SBF2: variants seen among roughly 807,000 people sequenced by gnomAD.
SBF2 encodes the protein myotubularin-related protein 13.
In SBF2, 112 loss-of-function variants were observed where a neutral mutation model predicts 225.2. That is an observed-to-expected ratio of 0.50 (90% confidence interval 0.43 to 0.58). The LOEUF is 0.58. Among genes scored for constraint, SBF2 ranks in the 20% least tolerant of loss-of-function variants. The pLI is 0.00. For missense variants in SBF2, 1,996 were observed against 2,206.2 expected, an observed-to-expected ratio of 0.90 and a Z score of 1.91; for synonymous variants, 763 against 773.3, an observed-to-expected ratio of 0.99 and a Z score of 0.22.
Position 10,028,531 on chromosome 11 carries a change from A to G in SBF2, c.540T>C (p.Asp180=), listed in dbSNP as rs779002789. ...SQKLFSLGAG[D]RQLIQTPLHD... is the part of the protein sequence containing the mutation. Reference sequence around the variant, plus strand: ...GTAAAGGAGTCTGGATCAACTGTCTATCTCCTGCACCCAAAGAAAACAGCT... The same window carrying G: ...GTAAAGGAGTCTGGATCAACTGTCTGTCTCCTGCACCCAAAGAAAACAGCT... Residue 180 remains aspartate (D), a synonymous_variant, in exon 6 of 40, where the codon GAT becomes GAC. Transcript: ENST00000256190. 1 of 1,613,358 alleles carries G rather than the reference A, an allele frequency of 6.2e-7. No homozygotes were observed.
chr11:9,974,151 C>T (rs1279278997), intron 13 of SBF2, among the ~76,000 whole-genome samples: 1 of 152,146 alleles, frequency 6.6e-6, no homozygotes, highest in African/African-American at 2.4e-5. Flanking sequence ...TCAAGGATCA[C>T]ATCCTTGTGA....
At chr11:10,184,900 G>A (rs970334646) in intron 2 of SBF2, among the ~76,000 whole-genome samples, 2 of 152,064 alleles carry the variant, frequency 1.3e-5, no homozygotes, top group African/African-American at 2.4e-5. Context: ...CTAATTTTTT[G>A]TATTTTTAGT....
intron 2 of SBF2, among the ~76,000 whole-genome samples, chr11:10,104,137 T>C (rs1317227290): frequency 1.3e-5 from 2 of 152,054 alleles, no homozygotes; most frequent in South Asian, 4.1e-4. Flanking sequence ...GTGTGAATTT[T>C]CCAATTTTAC....
At chr11:10,166,122 T>A (rs1955939988) in intron 2 of SBF2, among the ~76,000 whole-genome samples, 1 of 152,174 alleles carries the variant, frequency 6.6e-6, no homozygotes, top group African/African-American at 2.4e-5. Flanking sequence ...GACTAGCACA[T>A]AATAGGCACT....
At chr11:10,150,948 CAT>C (rs1169042368) in intron 2 of SBF2, among the ~76,000 whole-genome samples, 1 of 152,054 alleles carries the variant, frequency 6.6e-6, no homozygotes, top group African/African-American at 2.4e-5. Context: ...TTATTAATCA[CAT>C]ATGACTTAAA....
At chr11:9,902,112 T>C (rs1403393406) in intron 16 of SBF2, among the ~76,000 whole-genome samples, 2 of 152,212 alleles carry the variant, frequency 1.3e-5, no homozygotes, top group Non-Finnish European at 2.9e-5. Context: ...AGAATCTCCA[T>C]TAATGCAGCC....
chr11:9,992,693 T>C (rs1947491011), intron 11 of SBF2, 150 bp from the exon 12 acceptor site: 2 of 782,032 alleles, frequency 2.6e-6, no homozygotes, highest in African/African-American at 3.5e-5. Flanking sequence ...TCAAAGAGAG[T>C]TATTCTGAAA....
At chr11:10,007,254 C>T (rs542833090) in intron 6 of SBF2, among the ~76,000 whole-genome samples, 13 of 152,186 alleles carry the variant, frequency 8.5e-5, no homozygotes, top group African/African-American at 2.4e-4. Flanking sequence ...AGAGAAGACG[C>T]TTTCTTTTTT....
At chr11:10,036,253 G>A (rs1375884772) in intron 3 of SBF2, among the ~76,000 whole-genome samples, 1 of 152,066 alleles carries the variant, frequency 6.6e-6, no homozygotes, top group Non-Finnish European at 1.5e-5. Flanking sequence ...ACACACTGGG[G>A]CCTGTCAGTG....
At chr11:10,230,484 G>A (rs1256332689) in intron 1 of SBF2, among the ~76,000 whole-genome samples, 2 of 152,124 alleles carry the variant, frequency 1.3e-5, no homozygotes, top group African/African-American at 4.8e-5. Context: ...CTTCCCTCAG[G>A]AGCTCTTTTA....
intron 28 of SBF2, among the ~76,000 whole-genome samples, chr11:9,820,418 C>G (rs1854688652): frequency 1.3e-5 from 2 of 152,166 alleles, no homozygotes; most frequent in Admixed American, 1.3e-4. Context: ...TGGGACATGG[C>G]CAAGGCACAC....
intron 16 of SBF2, chr11:9,929,238 T>C (rs1458802481): frequency 5.3e-6 from 1 of 188,034 alleles, no homozygotes; most frequent in East Asian, 1.5e-4. Context: ...GCTCGATAAG[T>C]GGATGCCTCA....
intron 1 of SBF2, among the ~76,000 whole-genome samples, chr11:10,235,216 A>T (rs1959015503): frequency 6.6e-6 from 1 of 152,162 alleles, no homozygotes; most frequent in African/African-American, 2.4e-5. Flanking sequence ...TCCTTTTTTA[A>T]GTGAATTGAA....
chr11:10,281,317 C>T (rs1963391467), intron 1 of SBF2, among the ~76,000 whole-genome samples: 1 of 152,108 alleles, frequency 6.6e-6, no homozygotes, highest in Non-Finnish European at 1.5e-5. Context: ...GCTGCTGGGG[C>T]TGCAGCCTTC....
At chr11:9,984,460 G>A (rs1350815871) in intron 13 of SBF2, among the ~76,000 whole-genome samples, 2 of 152,056 alleles carry the variant, frequency 1.3e-5, no homozygotes, top group East Asian at 1.9e-4. Flanking sequence ...AAGAATAATC[G>A]CTGTATCTGA....
chr11:9,832,120 G>C, intron 27 of SBF2, 104 bp downstream of exon 27: 3 of 994,992 alleles, frequency 3.0e-6, no homozygotes, highest in Non-Finnish European at 4.7e-6. Flanking sequence ...TTGTGTGTGA[G>C]ACAAGACTTG....
intron 6 of SBF2, among the ~76,000 whole-genome samples, chr11:10,006,446 T>C (rs1025497767): frequency 6.6e-6 from 1 of 152,166 alleles, no homozygotes; most frequent in African/African-American, 2.4e-5. Context: ...AGGGCTGAGT[T>C]TTCCGGTGGC....
intron 17 of SBF2, among the ~76,000 whole-genome samples, chr11:9,886,911 C>T (rs529654283): frequency 3.3e-5 from 5 of 152,238 alleles, no homozygotes; most frequent in Admixed American, 6.5e-5. Flanking sequence ...ATTTGTTTGA[C>T]TAATCTATCT....
chr11:9,789,030 A>G, intron 35 of SBF2, 79 bp downstream of exon 35: 1 of 1,198,366 alleles, frequency 8.3e-7, no homozygotes, highest in East Asian at 2.3e-5. Context: ...CATGTTCAGA[A>G]GTTACTTAGC....
Sources: allele counts gnomAD v4.1 joint callset (sites outside exome capture counted in the v4.1 genomes callset), GRCh38; gene constraint gnomAD v4.1.1; transcripts MANE v1.5; gene names NCBI Gene and HGNC (gene_info 2026-07-23, HGNC 2026-07-21).